Variants in SYTL5 observed in about 807,000 individuals in gnomAD.
SYTL5 encodes synaptotagmin like 5, also known as synaptotagmin-like protein 5.
Under a neutral mutation model 55.9 loss-of-function variants are expected in SYTL5, and 34 were observed. That is an observed-to-expected ratio of 0.61 (90% confidence interval 0.46 to 0.81). The LOEUF (loss-of-function observed/expected upper bound fraction) is 0.81, where lower values mean the gene tolerates loss of function less well. Among genes scored for constraint, SYTL5 ranks in the 30% least tolerant of loss-of-function variants. The probability of loss-of-function intolerance (pLI) is 0.00; values close to 1 mark genes in which losing one functional copy is unlikely to be tolerated. For synonymous variants in SYTL5, 221 were observed against 188.7 expected, an observed-to-expected ratio of 1.17 and a Z score of -1.40; for missense variants, 637 against 546.7, an observed-to-expected ratio of 1.17 and a Z score of -1.65.
At chrX:37,980,770 A>G in the SYTL5 span, among the ~76,000 whole-genome samples, 1 of 85,149 alleles carries the variant, frequency 1.2e-5, no homozygotes, top group Non-Finnish European at 2.2e-5. Context: ...GTTCTGGACA[A>G]GGTGACCAAG....
intron 13 of SYTL5, among the ~76,000 whole-genome samples, chrX:38,111,491 T>C (rs1290087883): frequency 8.9e-6 from 1 of 111,978 alleles, no homozygotes; most frequent in Non-Finnish European, 1.9e-5. Flanking sequence ...GCTCAAAAAA[T>C]AGAGGGAGAT....
chrX:38,062,838 T>G (rs1342998435), intron 3 of SYTL5, among the ~76,000 whole-genome samples: 1 of 112,194 alleles, frequency 8.9e-6, no homozygotes, highest in Non-Finnish European at 1.9e-5. Context: ...ATTTCTTGAC[T>G]AATGTGAATA....
intron 2 of SYTL5, among the ~76,000 whole-genome samples, chrX:38,051,508 T>A (rs1335567799): frequency 8.9e-6 from 1 of 111,790 alleles, no homozygotes; most frequent in African/African-American, 3.3e-5. Flanking sequence ...AGACATTTTT[T>A]AAATTATTAA....
At chrX:38,076,132 A>G (rs1000090191) in intron 5 of SYTL5, among the ~76,000 whole-genome samples, 1 of 112,170 alleles carries the variant, frequency 8.9e-6, no homozygotes, top group Admixed American at 9.4e-5. Flanking sequence ...CAAGAAAGGC[A>G]GAGTCACTGC....
At chrX:38,057,496 T>C (rs927396507) in intron 3 of SYTL5, among the ~76,000 whole-genome samples, 7 of 111,715 alleles carry the variant, frequency 6.3e-5, no homozygotes, top group Non-Finnish European at 9.4e-5. Flanking sequence ...CTGGGTCTTT[T>C]GTGGTTCCAT....
At chrX:37,929,320 A>G in the SYTL5 span, among the ~76,000 whole-genome samples, 1 of 111,499 alleles carries the variant, frequency 9.0e-6, no homozygotes, top group Admixed American at 9.6e-5. Context: ...ACAGGATGGC[A>G]TGCTGAGTGG....
chrX:38,127,745 A>G lies in SYTL5; in HGVS notation c.*1015A>G, dbSNP rs1937691638. ...CACCAAATGTCAGTGGCTTAAAATG[A>G]CCATCCTTTTTCTCACAGTTATGAA... On this transcript the variant is annotated 3_prime_UTR_variant, in exon 17 of 17. Transcript: ENST00000297875. The G allele has an allele frequency of 8.9e-6, 1 of 112,144 alleles. No homozygotes were observed. The highest frequency in any genetic ancestry group is 3.2e-5 in the African/African-American group (1 of 30,866). The allele number at this position is 112,144 out of a possible 1,213,427, so 9.2% of individuals were successfully genotyped here.
intron 3 of SYTL5, among the ~76,000 whole-genome samples, chrX:38,065,185 T>TG (rs1334297673): frequency 8.9e-6 from 1 of 112,031 alleles, no homozygotes; most frequent in Non-Finnish European, 1.9e-5. Context: ...ACATAATTTT[T>TG]GTCCTTTGTT....
At chrX:38,098,649 A>G (rs1446896351) in intron 9 of SYTL5, among the ~76,000 whole-genome samples, 1 of 111,023 alleles carries the variant, frequency 9.0e-6, no homozygotes, top group East Asian at 2.8e-4. Context: ...CAATTTCTTT[A>G]AAAGTTAAAC....
the SYTL5 span, among the ~76,000 whole-genome samples, chrX:37,915,745 AT>A: frequency 0.01 from 1,110 of 109,787 alleles, 13 homozygotes; most frequent in African/African-American, 0.034. Context: ...TAAGGATGTC[AT>A]TTTTTTTTCC....
chrX:38,062,209 A>G (rs1172502644), intron 3 of SYTL5, among the ~76,000 whole-genome samples: 1 of 111,206 alleles, frequency 9.0e-6, no homozygotes, highest in Non-Finnish European at 1.9e-5. Flanking sequence ...ACCTCAAGTG[A>G]TCCACCCACC....
At chrX:37,945,211 G>GT in the SYTL5 span, among the ~76,000 whole-genome samples, 53 of 111,887 alleles carry the variant, frequency 4.7e-4, no homozygotes, top group African/African-American at 1.7e-3. Flanking sequence ...TTTGTTGAGG[G>GT]TTTTTAATTC....
intron 15 of SYTL5, among the ~76,000 whole-genome samples, chrX:38,123,128 G>T (rs1433233816): frequency 9.0e-6 from 1 of 111,349 alleles, no homozygotes; most frequent in Non-Finnish European, 1.9e-5. Flanking sequence ...CATGTTATTT[G>T]TTGTTGTTGT....
At chrX:37,999,766 T>G in the SYTL5 span, among the ~76,000 whole-genome samples, 2 of 111,745 alleles carry the variant, frequency 1.8e-5, no homozygotes, top group African/African-American at 3.3e-5. Context: ...CTACTGAAAA[T>G]GGGTAAAAGG....
the SYTL5 span, among the ~76,000 whole-genome samples, chrX:37,909,372 C>G: frequency 8.9e-6 from 1 of 112,313 alleles, no homozygotes; most frequent in Non-Finnish European, 1.9e-5. Context: ...TGGAGTAGAT[C>G]AAGCTTGTCC....
intron 1 of SYTL5, among the ~76,000 whole-genome samples, chrX:38,016,596 A>G (rs1037252793): frequency 1.8e-5 from 2 of 112,110 alleles, no homozygotes; most frequent in Admixed American, 9.4e-5. Flanking sequence ...GGGTGTCCAC[A>G]AAAGACCTTC....
the SYTL5 span, among the ~76,000 whole-genome samples, chrX:37,990,662 C>G: frequency 9.0e-6 from 1 of 111,528 alleles, no homozygotes; most frequent in Non-Finnish European, 1.9e-5. Context: ...GATAAGGGAC[C>G]AGTGGACACC....
At chrX:37,942,696 G>A in the SYTL5 span, among the ~76,000 whole-genome samples, 1 of 111,310 alleles carries the variant, frequency 9.0e-6, no homozygotes, top group Non-Finnish European at 1.9e-5. Context: ...ACTAACATAT[G>A]GCTTTTGTGT....
intron 1 of SYTL5, among the ~76,000 whole-genome samples, chrX:38,023,444 C>T (rs1934632978): frequency 9.0e-6 from 1 of 111,428 alleles, no homozygotes; most frequent in Non-Finnish European, 1.9e-5. Context: ...CCTAACAATC[C>T]AACTCTCATC....
Sources: gnomAD v4.1 joint callset for allele counts (sites outside exome capture counted in the v4.1 genomes callset) on GRCh38, gnomAD v4.1.1 for gene constraint, MANE v1.5 for transcripts, NCBI Gene and HGNC (gene_info 2026-07-23, HGNC 2026-07-21) for gene names.